SIRT1: variants seen among roughly 807,000 people sequenced by gnomAD.
The protein encoded by SIRT1 is sirtuin 1, also known as NAD-dependent protein deacetylase sirtuin-1.
In SIRT1, 24 loss-of-function variants were observed where a neutral mutation model predicts 67.9. That is an observed-to-expected ratio of 0.35 (90% CI 0.26 to 0.50). The LOEUF (loss-of-function observed/expected upper bound fraction) is 0.50, where lower values mean the gene tolerates loss of function less well. Ranked by LOEUF, SIRT1 falls within the 20% of genes least tolerant of loss-of-function variation. The pLI, the probability that SIRT1 is intolerant of heterozygous loss-of-function variation, is 0.98. For missense variants in SIRT1, 873 were observed against 937.2 expected, an observed-to-expected ratio of 0.93 and a Z score of 0.89; for synonymous variants, 378 against 350.7, an observed-to-expected ratio of 1.08 and a Z score of -0.87.
chr10:67,890,511 A>G (rs1362045876), intron 3 of SIRT1, among the ~76,000 whole-genome samples: 1 of 149,628 alleles, frequency 6.7e-6, no homozygotes, highest in Admixed American at 6.6e-5. Context: ...TTGGGAGGCT[A>G]AAGTGGGAGG....
At position 67,885,319 on chromosome 10, in the gene SIRT1, C is replaced by G. The variant is rs1024033724; in HGVS notation, c.430+168C>G. On this transcript the variant is annotated intron_variant, in intron 1 of 8. Coordinates refer to ENST00000212015, the MANE Select transcript of SIRT1 (RefSeq NM_012238.5). ...CGCTCCTCCGGGGCTGCGGTTCCTA[C>G]TGCGCGAGCTGCCAGTGGATTCGCT... The G allele has an allele frequency of 3.2e-6, 4 of 1,239,988 alleles. No individual in the cohort carries two copies. In the African/African-American group the frequency reaches 4.7e-5, roughly 14 times the overall value. 76.8% of individuals were successfully genotyped at this position (1,239,988 alleles called of 1,614,324 possible). A position where few individuals can be genotyped will look rare whatever the true frequency, so the allele number is the denominator to read the frequency against.
At chr10:67,908,251 G>C (rs1288458975) in intron 6 of SIRT1, 126 bp downstream of exon 6, 2 of 745,550 alleles carry the variant, frequency 2.7e-6, no homozygotes, top group Non-Finnish European at 4.2e-6. Context: ...AAAATAGTTA[G>C]CATTTGGGAA....
Position 67,884,716 on chromosome 10 carries a change from T to A in SIRT1, c.-6T>A. ...GAGGGAGGAGGGCCAGAGAGGCAGT[T>A]GGAAGATGGCGGACGAGGCGGCCCT... On this transcript the variant is annotated 5_prime_UTR_variant, in exon 1 of 9. Coordinates refer to ENST00000212015, the MANE Select transcript of SIRT1 (RefSeq NM_012238.5). 8.1e-7 allele frequency: 1 copy of A among 1,228,068 alleles called. No homozygotes were observed. The highest frequency in any genetic ancestry group is 1.0e-6 in the Non-Finnish European group (1 of 985,766). 76.1% of individuals were successfully genotyped at this position (1,228,068 alleles called of 1,614,324 possible). A position where few individuals can be genotyped will look rare whatever the true frequency, so the allele number is the denominator to read the frequency against.
intron 4 of SIRT1, among the ~76,000 whole-genome samples, chr10:67,895,462 A>G (rs1842639692): frequency 6.6e-6 from 1 of 152,154 alleles, no homozygotes; most frequent in Non-Finnish European, 1.5e-5. Context: ...TATTGTCGAT[A>G]TTTTACTGAA....
Position 67,909,378 on chromosome 10 carries a change from T to C in SIRT1, c.1293T>C (p.Asp431=). 6.2e-7 allele frequency: 1 copy of C among 1,613,806 alleles called. No individual in the cohort carries two copies. ...ATAGAGCCATGAAGTATGACAAAGA[T>C]GAAGTTGACCTCCTCATTGTTATTG... is the stretch of plus-strand genomic sequence containing the variant. ...QFHRAMKYDK[D]EVDLLIVIGS... Residue 431 remains aspartate (D), a synonymous_variant, in exon 7 of 9, where the codon GAT becomes GAC. Coordinates refer to ENST00000212015, the MANE Select transcript of SIRT1 (RefSeq NM_012238.5).
rs1408163424 is a variant in SIRT1, at chr10:67,917,032, T to G, written c.*439T>G. The G allele has an allele frequency of 1.3e-5, 2 of 152,840 alleles. No homozygotes were observed. The highest frequency in any genetic ancestry group is 1.3e-4 in the Admixed American group (2 of 15,290). The allele number at this position is 152,840 out of a possible 1,614,324, so 9.5% of individuals were successfully genotyped here. On this transcript the variant is annotated 3_prime_UTR_variant, in exon 9 of 9. Coordinates refer to ENST00000212015, the MANE Select transcript of SIRT1 (RefSeq NM_012238.5). ...GGTATTTTCACTTTTCTTTGTAACA[T>G]TGAATGGTTTGAAGTACTCAAAATC...
At chr10:67,905,142 C>G (rs1445157412) in intron 4 of SIRT1, among the ~76,000 whole-genome samples, 1 of 152,138 alleles carries the variant, frequency 6.6e-6, no homozygotes, top group Non-Finnish European at 1.5e-5. Context: ...CCTATTTTAT[C>G]TGTTGCCTAG....
In SIRT1 at chr10:67,887,507, G is replaced by A; in HGVS notation, c.521G>A (p.Ser174Asn). 6.2e-7 allele frequency: 1 copy of A among 1,612,348 alleles called. No individual in the cohort carries two copies. The highest frequency in any genetic ancestry group is 1.1e-5 in the South Asian group (1 of 91,042). The stretch of plus-strand genomic sequence containing the variant: ...GATAGAGCCTCACATGCAAGCTCTA[G>A]TGACTGGACTCCAAGGCCACGGATA... ...EEDRASHASSSDWTPRPRIGP... is the reference protein window; with the variant it reads ...EEDRASHASSNDWTPRPRIGP... Residue 174 changes from serine to asparagine, a missense_variant, in exon 2 of 9, where the codon AGT becomes AAT. Coordinates refer to ENST00000212015, the MANE Select transcript of SIRT1 (RefSeq NM_012238.5).
chr10:67,888,611 C>G (rs975521009), intron 2 of SIRT1, among the ~76,000 whole-genome samples: 4 of 151,974 alleles, frequency 2.6e-5, no homozygotes, highest in African/African-American at 9.7e-5. Flanking sequence ...TAGATATTAA[C>G]CATAAGAACT....
chr10:67,893,299 C>T (rs1355217839), intron 4 of SIRT1, among the ~76,000 whole-genome samples: 1 of 152,076 alleles, frequency 6.6e-6, no homozygotes, highest in East Asian at 1.9e-4. Context: ...CCACCCCTTG[C>T]CCCCCACCTC....
chr10:67,902,366 C>G (rs905200949), intron 4 of SIRT1, among the ~76,000 whole-genome samples: 4 of 152,176 alleles, frequency 2.6e-5, no homozygotes, highest in Non-Finnish European at 5.9e-5. Context: ...CCCACCTCCA[C>G]CCCCTGCTAA....
chr10:67,911,473 A>G (rs1474627230), intron 7 of SIRT1, among the ~76,000 whole-genome samples: 1 of 152,110 alleles, frequency 6.6e-6, no homozygotes, highest in Non-Finnish European at 1.5e-5. Context: ...GATTACAGGC[A>G]TGAGCTACCA....
chr10:67,916,787 TAAC>T lies in SIRT1; in HGVS notation c.*195_*197del, dbSNP rs1306660520. On this transcript the variant is annotated 3_prime_UTR_variant, in exon 9 of 9. Transcript: ENST00000212015. ...TTCTGTACTTGTACAAACTCAACAC[TAAC>T]TTTTTTTTTTTTAAAAAAAAAAAGG... 6 of 346,566 alleles carry T rather than the reference TAAC, an allele frequency of 1.7e-5. No individual in the cohort carries two copies. Among genetic ancestry groups the T allele is most frequent in the Non-Finnish European group, 2.6e-5 (5 of 194,670 alleles). The allele number at this position is 346,566 out of a possible 1,614,324, so 21.5% of individuals were successfully genotyped here.
In SIRT1 at chr10:67,887,408, C is replaced by T; in HGVS notation, c.431-9C>T. 6.3e-7 allele frequency: 1 copy of T among 1,595,100 alleles called. No homozygotes were observed. Among genetic ancestry groups the T allele is most frequent in the Non-Finnish European group, 8.6e-7 (1 of 1,163,350 alleles). On this transcript the variant is annotated splice_polypyrimidine_tract_variant and intron_variant, in intron 1 of 8. Transcript: ENST00000212015. ...TTGATAGCCTTGACTGACTTGGTTT[C>T]TTTTGCAGATAACCTTCTGTTCGGT...
chr10:67,892,261 G>A (rs1842585575), intron 4 of SIRT1, among the ~76,000 whole-genome samples: 1 of 152,084 alleles, frequency 6.6e-6, no homozygotes, highest in Non-Finnish European at 1.5e-5. Flanking sequence ...AAATACTTTT[G>A]ATATTGGGTT....
At chr10:67,903,202 C>T (rs983436400) in intron 4 of SIRT1, among the ~76,000 whole-genome samples, 1 of 152,188 alleles carries the variant, frequency 6.6e-6, no homozygotes, top group Admixed American at 6.5e-5. Context: ...TCAAGTGATT[C>T]TCCCTCCTCT....
At chr10:67,907,691 A>G (rs1354148212) in intron 5 of SIRT1, among the ~76,000 whole-genome samples, 1 of 152,116 alleles carries the variant, frequency 6.6e-6, no homozygotes, top group East Asian at 1.9e-4. Flanking sequence ...CTGCCGAGCT[A>G]AGGTAATAGA....
chr10:67,890,065 A>G (rs1443190063), intron 3 of SIRT1, among the ~76,000 whole-genome samples: 4 of 150,062 alleles, frequency 2.7e-5, no homozygotes, highest in Non-Finnish European at 4.4e-5. Context: ...CTGCAGTCTC[A>G]GCCTCTCCTG....
rs1401398689 is a variant in SIRT1, at chr10:67,904,127, GTT to G, written c.943-2644_943-2643del. 3.2e-4 allele frequency among the ~76,000 whole-genome samples: 45 copies of G among 140,070 alleles called. No individual in the cohort carries two copies. In the East Asian group the frequency reaches 7.8e-3, roughly 24 times the overall value. The allele number at this position is 140,070 out of a possible 152,430, so 91.9% of individuals were successfully genotyped here. A position where few individuals can be genotyped will look rare whatever the true frequency, so the allele number is the denominator to read the frequency against. On this transcript the variant is annotated intron_variant, in intron 4 of 8. Transcript: ENST00000212015. ...TCAGATTTTTTAGTTTTTTTTGTTT[GTT>G]TTTTTTTTTTTTTTTTTTAAAGGCT...
Sources: gnomAD v4.1 joint callset for allele counts (sites outside exome capture counted in the v4.1 genomes callset) on GRCh38, gnomAD v4.1.1 for gene constraint, MANE v1.5 for transcripts, NCBI Gene and HGNC (gene_info 2026-07-23, HGNC 2026-07-21) for gene names.